NRG3: variants seen among roughly 807,000 people sequenced by gnomAD.
NRG3 encodes the protein pro-neuregulin-3, membrane-bound isoform.
A neutral mutation model predicts 66.9 loss-of-function variants in NRG3; 31 were observed. The ratio of observed to expected loss-of-function variants is 0.46; its 90% CI spans 0.35 to 0.63. The LOEUF is 0.63. Ranked by LOEUF, NRG3 falls within the 20% of genes least tolerant of loss-of-function variation. NRG3 has a pLI of 0.00. For synonymous variants in NRG3, 393 were observed against 359.4 expected (o/e 1.09, Z -1.06); for missense variants, 910 against 878.9 (o/e 1.04, Z -0.45).
In NRG3 at chr10:81,875,448, G is replaced by GGGCCCGGACGGCGGC. The variant is rs1195092561; in HGVS notation, c.112_126dup (p.Pro38_Gly42dup). On this transcript the variant is annotated inframe_insertion, in exon 1 of 9. Transcript: ENST00000372141. This position sits in a 1 kb window ranked among gnomAD's most constrained non-coding sequence, Gnocchi z 5.3. Reference sequence around the variant, plus strand: ...CTGCGGCGGCGGCAGCGGCGGGCGGGGGCCCGGACGGCGGCGGCGAAGGGG... The same window carrying GGGCCCGGACGGCGGC: ...CTGCGGCGGCGGCAGCGGCGGGCGGGGGCCCGGACGGCGGCGGCCCGGACGGCGGCGGCGAAGGGG... 1 of 1,212,046 alleles carries GGGCCCGGACGGCGGC rather than the reference G, an allele frequency of 8.3e-7. No individual in the cohort carries two copies. The highest frequency in any genetic ancestry group is 1.0e-6 in the Non-Finnish European group (1 of 975,748). 75.1% of individuals were successfully genotyped at this position (1,212,046 alleles called of 1,614,324 possible).
At chr10:82,767,428 G>A (rs2059556893) in intron 3 of NRG3, among the ~76,000 whole-genome samples, 1 of 152,050 alleles carries the variant, frequency 6.6e-6, no homozygotes, top group Non-Finnish European at 1.5e-5. Context: ...TTTATTCTAT[G>A]CTCACACTAC....
At chr10:82,574,305 T>C (rs2045912111) in intron 2 of NRG3, among the ~76,000 whole-genome samples, 1 of 151,760 alleles carries the variant, frequency 6.6e-6, no homozygotes, top group African/African-American at 2.4e-5. Flanking sequence ...AAATACCACA[T>C]GCTCTCTCTT....
intron 2 of NRG3, among the ~76,000 whole-genome samples, chr10:82,524,090 C>T (rs912036919): frequency 6.6e-6 from 1 of 152,038 alleles, no homozygotes; most frequent in Non-Finnish European, 1.5e-5. Flanking sequence ...ACATATCTAA[C>T]AAACACACTC....
chr10:82,713,772 GTTTCTTCACAATGCTACC>G (rs1442728355), intron 2 of NRG3, among the ~76,000 whole-genome samples: 2 of 152,172 alleles, frequency 1.3e-5, no homozygotes, highest in African/African-American at 4.8e-5. Context: ...TTAAACCCAA[GTTTCTTCACAATGCTACC>G]TCTCTCCCTC....
chr10:82,980,610 T>C (rs1003973920), intron 8 of NRG3, among the ~76,000 whole-genome samples: 1 of 152,188 alleles, frequency 6.6e-6, no homozygotes, highest in Non-Finnish European at 1.5e-5. Context: ...ATGGGATATA[T>C]GGAGCAGTGT....
chr10:82,487,938 G>A (rs1224763055), intron 2 of NRG3, among the ~76,000 whole-genome samples: 2 of 152,148 alleles, frequency 1.3e-5, no homozygotes, highest in Non-Finnish European at 2.9e-5. Flanking sequence ...TACAGTATTT[G>A]TTTAGCAGAC....
chr10:81,945,508 T>C (rs1430278621), intron 1 of NRG3, among the ~76,000 whole-genome samples: 1 of 152,170 alleles, frequency 6.6e-6, no homozygotes, highest in Non-Finnish European at 1.5e-5. Flanking sequence ...TTCTGGAAAT[T>C]GAGTCATTGG....
intron 2 of NRG3, among the ~76,000 whole-genome samples, chr10:82,613,188 C>T (rs2048415801): frequency 6.6e-6 from 1 of 152,040 alleles, no homozygotes; most frequent in Non-Finnish European, 1.5e-5. Context: ...TCAAGAAGTA[C>T]TTTGTGAAAT....
chr10:82,870,300 T>C (rs1348792576), intron 4 of NRG3, among the ~76,000 whole-genome samples: 1 of 152,240 alleles, frequency 6.6e-6, no homozygotes, highest in African/African-American at 2.4e-5. Flanking sequence ...AGCCCATTTC[T>C]TTCTAGAGCT....
intron 2 of NRG3, among the ~76,000 whole-genome samples, chr10:82,528,966 C>T (rs1225041854): frequency 6.6e-6 from 1 of 152,104 alleles, no homozygotes; most frequent in African/African-American, 2.4e-5. Flanking sequence ...AGGTTTTTCA[C>T]TTGTAATAAA....
intron 2 of NRG3, among the ~76,000 whole-genome samples, chr10:82,539,172 T>A (rs963770020): frequency 1.3e-5 from 2 of 152,236 alleles, no homozygotes; most frequent in African/African-American, 4.8e-5. Context: ...CCTGTAACAC[T>A]GCCTGAAAAG....
At chr10:82,835,248 T>C (rs146104027) in intron 3 of NRG3, among the ~76,000 whole-genome samples, 29 of 152,264 alleles carry the variant, frequency 1.9e-4, no homozygotes, top group African/African-American at 6.5e-4. Context: ...ATGTCCTGCA[T>C]GCTTTTATAA....
chr10:82,720,320 G>A (rs546873687), intron 2 of NRG3, among the ~76,000 whole-genome samples: 3 of 152,022 alleles, frequency 2.0e-5, no homozygotes, highest in Non-Finnish European at 4.4e-5. Flanking sequence ...AACCCGGGAG[G>A]CAGAGGTTGC....
intron 2 of NRG3, among the ~76,000 whole-genome samples, chr10:82,606,206 A>G (rs2047951274): frequency 6.6e-6 from 1 of 152,176 alleles, no homozygotes; most frequent in African/African-American, 2.4e-5. Flanking sequence ...GCTGAATCTT[A>G]TAAATTTTGA....
intron 1 of NRG3, among the ~76,000 whole-genome samples, chr10:82,216,279 C>A (rs746707522): frequency 6.6e-6 from 1 of 151,484 alleles, no homozygotes; most frequent in African/African-American, 2.4e-5. Context: ...CTGCGCCTGG[C>A]CTTTTTTTTT....
chr10:82,694,355 T>C (rs1315676436), intron 2 of NRG3, among the ~76,000 whole-genome samples: 1 of 152,166 alleles, frequency 6.6e-6, no homozygotes, highest in African/African-American at 2.4e-5. Flanking sequence ...TGATATAGGT[T>C]TGGGGGAACT....
intron 1 of NRG3, among the ~76,000 whole-genome samples, chr10:82,165,709 G>A (rs536964296): frequency 6.6e-6 from 1 of 151,498 alleles, no homozygotes; most frequent in Non-Finnish European, 1.5e-5. Flanking sequence ...TTTTTTGAGA[G>A]GGGGCGTGAC....
At chr10:82,217,939 A>G (rs1336298) in intron 1 of NRG3, among the ~76,000 whole-genome samples, 4 of 151,996 alleles carry the variant, frequency 2.6e-5, no homozygotes, top group African/African-American at 4.8e-5. Flanking sequence ...CACTATGAAT[A>G]TTTTTTTCTA....
At chr10:82,426,164 A>G (rs1279988430) in intron 2 of NRG3, among the ~76,000 whole-genome samples, 2 of 152,150 alleles carry the variant, frequency 1.3e-5, no homozygotes, top group Non-Finnish European at 2.9e-5. Context: ...CACTCTGGGT[A>G]TATTTCAAAA....
Sources: allele counts gnomAD v4.1 joint callset (sites outside exome capture counted in the v4.1 genomes callset), GRCh38; gene constraint gnomAD v4.1.1; non-coding constraint Gnocchi (gnomAD v3.1); transcripts MANE v1.5; gene names NCBI Gene and HGNC (gene_info 2026-07-23, HGNC 2026-07-21).